Variants in ZNF37A observed in about 807,000 individuals in gnomAD.
The protein encoded by ZNF37A is zinc finger protein 37A.
ZNF37A carries 10 observed loss-of-function variants against 12.3 expected under a neutral mutation model. The ratio of observed to expected loss-of-function variants is 0.82; its 90% CI spans 0.50 to 1.38. The LOEUF (loss-of-function observed/expected upper bound fraction) is 1.38. Among genes scored for constraint, ZNF37A ranks in the 40% most tolerant of loss-of-function variants. The probability of loss-of-function intolerance (pLI) is 0.00; values close to 1 mark genes in which losing one functional copy is unlikely to be tolerated. For missense variants in ZNF37A, 580 were observed against 651.2 expected, an observed-to-expected ratio of 0.89 and a Z score of 1.19; for synonymous variants, 207 against 223.0, an observed-to-expected ratio of 0.93 and a Z score of 0.64.
rs1244745793 is a variant in ZNF37A at position 38,112,753 on chromosome 10, T to TG, written c.16-2002_16-2001insG. On this transcript the variant is annotated intron_variant, in intron 5 of 7. Transcript: ENST00000685332. ...CCATTTTCTTTTCTTTTCTTTTCTT[T>TG]TCTTTTCTTTTCTTTTCTTTTCTTT... is the stretch of plus-strand genomic sequence containing the variant. Among the ~76,000 whole-genome samples the TG allele has an allele frequency of 5.5e-3, 350 of 63,826 alleles. 52 individuals carry two copies. Among genetic ancestry groups the TG allele is most frequent in the African/African-American group, 0.019 (332 of 17,788 alleles). The allele number at this position is 63,826 out of a possible 152,430, so 41.9% of individuals were successfully genotyped here.
At chr10:38,134,364 G>C (rs955923906) in intron 7 of ZNF37A, among the ~76,000 whole-genome samples, 1 of 152,166 alleles carries the variant, frequency 6.6e-6, no homozygotes, top group Non-Finnish European at 1.5e-5. Context: ...AAGGAGAAGA[G>C]GTTCTCTAAT....
intron 4 of ZNF37A, among the ~76,000 whole-genome samples, chr10:38,096,357 G>A (rs1393629763): frequency 6.6e-6 from 1 of 152,084 alleles, no homozygotes; most frequent in Non-Finnish European, 1.5e-5. Flanking sequence ...TTAATATATC[G>A]GTTTGCATAC....
intron 5 of ZNF37A, among the ~76,000 whole-genome samples, chr10:38,102,701 C>G (rs2067695813): frequency 6.6e-6 from 1 of 152,130 alleles, no homozygotes; most frequent in South Asian, 2.1e-4. Flanking sequence ...TTGTTTCAAC[C>G]TGAGGGACTT....
chr10:38,100,848 G>A (rs1348718715), intron 5 of ZNF37A, among the ~76,000 whole-genome samples: 1 of 152,132 alleles, frequency 6.6e-6, no homozygotes, highest in Non-Finnish European at 1.5e-5. Context: ...CACAATTTAT[G>A]TTTAGAGATT....
chr10:38,147,021 A>G (rs1299031831), exon 8 of ZNF37A: 2 of 338,942 alleles, frequency 5.9e-6, no homozygotes, highest in African/African-American at 4.2e-5. Context: ...AGCGAGGAGC[A>G]GAGAAACAGT....
chr10:38,130,435 T>C (rs776771179), downstream of ZNF37A, among the ~76,000 whole-genome samples: 22 of 152,228 alleles, frequency 1.4e-4, no homozygotes, highest in Middle Eastern at 3.4e-3. Flanking sequence ...ATGTTTAAAC[T>C]TCTGAGAAAA....
In ZNF37A at chr10:38,114,753, A is replaced by T; in HGVS notation, c.16-2A>T. ...AGACTGAGCAAAATTGTGATTTTCC[A>T]GGGATCAGTGTCGTTTAGGGATGTG... On this transcript the variant is annotated splice_acceptor_variant, in intron 5 of 7. Transcript: ENST00000685332. LOFTEE classifies it high-confidence loss of function. 1 of 1,614,014 alleles carries T rather than the reference A, an allele frequency of 6.2e-7. No individual in the cohort carries two copies. Among genetic ancestry groups the T allele is most frequent in the East Asian group, 2.2e-5 (1 of 44,856 alleles).
chr10:38,126,887 G>T (rs1474420816), downstream of ZNF37A, among the ~76,000 whole-genome samples: 1 of 152,158 alleles, frequency 6.6e-6, no homozygotes, highest in Non-Finnish European at 1.5e-5. Context: ...TCTGTGCATT[G>T]TATCTAAGCC....
intron 5 of ZNF37A, among the ~76,000 whole-genome samples, chr10:38,109,235 A>G (rs2068416592): frequency 6.6e-6 from 1 of 152,184 alleles, no homozygotes; most frequent in African/African-American, 2.4e-5. Context: ...AATGACAAAA[A>G]CTACATGATT....
At chr10:38,103,784 A>G (rs2067792776) in intron 5 of ZNF37A, among the ~76,000 whole-genome samples, 1 of 152,204 alleles carries the variant, frequency 6.6e-6, no homozygotes, top group South Asian at 2.1e-4. Flanking sequence ...TGGTCACTGA[A>G]ACCTCTGTTC....
exon 8 of ZNF37A, chr10:38,146,796 G>A (rs2070261002): frequency 2.5e-6 from 1 of 398,458 alleles, no homozygotes. Flanking sequence ...GCTCGGTCGT[G>A]GAGACTCCAA....
chr10:38,128,707 T>C (rs2069963819), downstream of ZNF37A, among the ~76,000 whole-genome samples: 1 of 152,168 alleles, frequency 6.6e-6, no homozygotes, highest in Non-Finnish European at 1.5e-5. Flanking sequence ...AAGTGCCTCT[T>C]CCATCCTGAG....
chr10:38,147,608 C>T (rs536680463), exon 8 of ZNF37A: 1 of 152,232 alleles, frequency 6.6e-6, no homozygotes, highest in East Asian at 1.9e-4. Context: ...TTAAAACATT[C>T]TTCCCTGAAC....
intron 5 of ZNF37A, among the ~76,000 whole-genome samples, chr10:38,112,303 C>T (rs1050807563): frequency 5.9e-5 from 9 of 152,066 alleles, no homozygotes; most frequent in Non-Finnish European, 1.3e-4. Context: ...GTAAAACCTT[C>T]GGGTCTTTTG....
chr10:38,131,081 T>C (rs1306870041), intron 7 of ZNF37A, among the ~76,000 whole-genome samples: 1 of 152,194 alleles, frequency 6.6e-6, no homozygotes, highest in East Asian at 1.9e-4. Flanking sequence ...GCGTTATTCA[T>C]GTTCTTTATA....
chr10:38,141,593 C>CAAT (rs1297689738), intron 7 of ZNF37A: 2 of 151,926 alleles, frequency 1.3e-5, no homozygotes, highest in East Asian at 3.9e-4. Flanking sequence ...ATCCTGGAAC[C>CAAT]AATAATAATA....
chr10:38,113,315 C>G (rs2068977862), intron 5 of ZNF37A, among the ~76,000 whole-genome samples: 1 of 139,234 alleles, frequency 7.2e-6, no homozygotes, highest in Admixed American at 7.7e-5. Context: ...TGGGTGCAAG[C>G]AATTCTCCTC....
At chr10:38,102,383 T>C (rs2067664797) in intron 5 of ZNF37A, among the ~76,000 whole-genome samples, 1 of 152,188 alleles carries the variant, frequency 6.6e-6, no homozygotes, top group Non-Finnish European at 1.5e-5. Flanking sequence ...ACATCTTGAA[T>C]TTATAACAAT....
chr10:38,097,583 C>CAAAAAAAAAAAAAAAAAAAA (rs71007695), intron 5 of ZNF37A, among the ~76,000 whole-genome samples: 21 of 61,944 alleles, frequency 3.4e-4, no homozygotes, highest in African/African-American at 5.1e-4. Flanking sequence ...GACTCTGTCT[C>CAAAAAAAAAAAAAAAAAAAA]AAAAAAAAAA....
Sources: allele counts gnomAD v4.1 joint callset (sites outside exome capture counted in the v4.1 genomes callset), GRCh38; gene constraint gnomAD v4.1.1; transcripts MANE v1.5; gene names NCBI Gene and HGNC (gene_info 2026-07-23, HGNC 2026-07-21).